DLC1: variants seen among roughly 807,000 people sequenced by gnomAD.
DLC1 encodes rho GTPase-activating protein 7.
DLC1 carries 54 observed loss-of-function variants against 140.3 expected under a neutral mutation model. The ratio of observed to expected loss-of-function variants is 0.38; its 90% CI spans 0.31 to 0.48. DLC1 has a LOEUF of 0.48. Among genes scored for constraint, DLC1 ranks in the 20% least tolerant of loss-of-function variants. The pLI, the probability that DLC1 is intolerant of heterozygous loss-of-function variation, is 0.96. For missense variants in DLC1, 2,536 were observed against 1,907.0 expected (o/e 1.33, Z -6.14); for synonymous variants, 986 against 728.1 (o/e 1.35, Z -5.70).
intron 5 of DLC1, among the ~76,000 whole-genome samples, chr8:13,162,969 A>G (rs887032798): frequency 6.6e-6 from 1 of 152,180 alleles, no homozygotes; most frequent in African/African-American, 2.4e-5. Flanking sequence ...ATACTTATCA[A>G]ATTGACTGAG....
At chr8:13,214,928 C>T (rs1300736790) in intron 5 of DLC1, among the ~76,000 whole-genome samples, 1 of 152,120 alleles carries the variant, frequency 6.6e-6, no homozygotes, top group Non-Finnish European at 1.5e-5. Context: ...AAACTCAGCA[C>T]CACAAAATGC....
chr8:13,408,883 A>C (rs1353796435), intron 2 of DLC1, among the ~76,000 whole-genome samples: 2 of 152,218 alleles, frequency 1.3e-5, no homozygotes, highest in Non-Finnish European at 2.9e-5. Context: ...AAAACATAAG[A>C]AAAATATCTA....
chr8:13,199,727 A>T (rs1403469702), intron 5 of DLC1, among the ~76,000 whole-genome samples: 1 of 152,204 alleles, frequency 6.6e-6, no homozygotes, highest in African/African-American at 2.4e-5. Context: ...GGATGATAAC[A>T]TAGAGGTGAG....
chr8:13,214,782 G>C, intron 5 of DLC1: 1 of 780,374 alleles, frequency 1.3e-6, no homozygotes, highest in Non-Finnish European at 2.4e-6. Flanking sequence ...CCGCTGCTGG[G>C]TTCCAGGGGA....
intron 1 of DLC1, among the ~76,000 whole-genome samples, chr8:13,512,115 C>G (rs1802398866): frequency 6.6e-6 from 1 of 152,004 alleles, no homozygotes; most frequent in Admixed American, 6.6e-5. Context: ...TAAGGGCCAC[C>G]ACTTTACTGC....
At chr8:13,434,761 C>G (rs1839040599) in intron 2 of DLC1, among the ~76,000 whole-genome samples, 1 of 152,180 alleles carries the variant, frequency 6.6e-6, no homozygotes, top group African/African-American at 2.4e-5. Context: ...TTACTGCAGC[C>G]TCAAACTCCC....
chr8:13,186,644 A>G (rs567232632), intron 5 of DLC1, among the ~76,000 whole-genome samples: 78 of 152,288 alleles, frequency 5.1e-4, no homozygotes, highest in Non-Finnish European at 9.1e-4. Context: ...TCTGAAGCCT[A>G]CTTCTGTCAA....
At chr8:13,194,883 G>A (rs1826959288) in intron 5 of DLC1, among the ~76,000 whole-genome samples, 1 of 152,108 alleles carries the variant, frequency 6.6e-6, no homozygotes, top group Admixed American at 6.5e-5. Flanking sequence ...GGTGGCATGC[G>A]CCTGTGGTAG....
chr8:13,327,234 A>C (rs1467606428), intron 4 of DLC1, among the ~76,000 whole-genome samples: 3 of 146,988 alleles, frequency 2.0e-5, no homozygotes, highest in Non-Finnish European at 4.5e-5. Context: ...TGGCCTCCCA[A>C]AGTGCTGGGA....
intron 1 of DLC1, among the ~76,000 whole-genome samples, chr8:13,539,496 G>A (rs1025881524): frequency 6.6e-6 from 1 of 152,074 alleles, no homozygotes; most frequent in African/African-American, 2.4e-5. Context: ...CACTGCACCC[G>A]CCGCGAATAG....
intron 5 of DLC1, among the ~76,000 whole-genome samples, chr8:13,118,705 T>G (rs1315622998): frequency 6.6e-6 from 1 of 152,200 alleles, no homozygotes; most frequent in Admixed American, 6.5e-5. Flanking sequence ...ATCAATTATT[T>G]TTATTTTTTT....
At chr8:13,566,874 G>T in intron 1 of DLC1, 1 of 1,305,876 alleles carries the variant, frequency 7.7e-7, no homozygotes, top group South Asian at 1.8e-5. Context: ...CCCGGAAGAC[G>T]ACCTCCGCAG....
intron 5 of DLC1, among the ~76,000 whole-genome samples, chr8:13,283,293 A>AACACACACAC (rs58438325): frequency 7.6e-5 from 11 of 145,032 alleles, no homozygotes; most frequent in Non-Finnish European, 1.2e-4. Context: ...ATCCTACTGA[A>AACACACACAC]ACACACACAC....
At chr8:13,121,822 G>C (rs541141447) in intron 5 of DLC1, among the ~76,000 whole-genome samples, 2 of 152,032 alleles carry the variant, frequency 1.3e-5, no homozygotes, top group South Asian at 2.1e-4. Flanking sequence ...CAAAGTGCTG[G>C]GATTACAGGC....
At chr8:13,514,115 A>G (rs1398041330) in intron 1 of DLC1, among the ~76,000 whole-genome samples, 1 of 152,066 alleles carries the variant, frequency 6.6e-6, no homozygotes, top group South Asian at 2.1e-4. Context: ...GTAAAATAAT[A>G]AGAAATTCAA....
intron 4 of DLC1, among the ~76,000 whole-genome samples, chr8:13,336,059 C>T (rs1211248656): frequency 6.6e-6 from 1 of 151,944 alleles, no homozygotes; most frequent in Non-Finnish European, 1.5e-5. Flanking sequence ...AGAATCTTTA[C>T]AAAAACTGGG....
intron 5 of DLC1, among the ~76,000 whole-genome samples, chr8:13,265,992 A>G (rs536819011): frequency 2.0e-5 from 3 of 152,190 alleles, no homozygotes; most frequent in Non-Finnish European, 4.4e-5. Flanking sequence ...CAGTTGTGCA[A>G]TGATTATGCG....
intron 10 of DLC1, among the ~76,000 whole-genome samples, chr8:13,098,034 GAAAAAA>G (rs35785512): frequency 7.3e-5 from 5 of 68,420 alleles, no homozygotes; most frequent in Admixed American, 6.2e-4. Context: ...AAGGAAAAAA[GAAAAAA>G]AAAAAAAAAA....
At chr8:13,294,571 T>G (rs982358485) in intron 5 of DLC1, among the ~76,000 whole-genome samples, 1 of 152,106 alleles carries the variant, frequency 6.6e-6, no homozygotes, top group Non-Finnish European at 1.5e-5. Flanking sequence ...GGAGCAAAGG[T>G]CAAGTTATGC....
Sources: allele counts gnomAD v4.1 joint callset (sites outside exome capture counted in the v4.1 genomes callset), GRCh38; gene constraint gnomAD v4.1.1; transcripts MANE v1.5; gene names NCBI Gene and HGNC (gene_info 2026-07-23, HGNC 2026-07-21).